Variants in FBXL16 observed in about 807,000 individuals in gnomAD.
FBXL16 encodes F-box and leucine rich repeat protein 16, also known as F-box/LRR-repeat protein 16.
In FBXL16, 7 loss-of-function variants were observed where a neutral mutation model predicts 36.7. The ratio of observed to expected loss-of-function variants is 0.19; its 90% CI spans 0.11 to 0.36. The LOEUF is 0.36. FBXL16 is among the 10% of genes least tolerant of loss of function. The pLI is 1.00. For synonymous variants in FBXL16, 355 were observed against 308.7 expected (o/e 1.15, Z -1.57); for missense variants, 463 against 659.4 (o/e 0.70, Z 3.26).
chr16:695,708 C>G lies in FBXL16; in HGVS notation c.849G>C (p.Thr283=). Residue 283 remains threonine (T), a synonymous_variant, in exon 3 of 6, where the codon ACG becomes ACC. Transcript: ENST00000397621. ...LSLQAYHVTD[T]ALAYFTARQG... is the part of the protein sequence containing the mutation. ...GGCGCGCCGTGAAGTAGGCCAGCGC[C>G]GTGTCCGTCACGTGGTAGGCCTGCA... is the stretch of plus-strand genomic sequence containing the variant. The G allele has an allele frequency of 6.2e-7, 1 of 1,604,396 alleles. No homozygotes were observed. Among genetic ancestry groups the G allele is most frequent in the Admixed American group, 1.7e-5 (1 of 59,948 alleles).
rs374334718 is a variant in FBXL16, at chr16:696,961, C to G, written c.445G>C (p.Val149Leu). Residue 149 changes from valine (V) to leucine (L), a missense_variant, in exon 2 of 6, where the codon GTG becomes CTG. Physicochemically the swap from Val to Leu is conservative, Grantham distance 32 (BLOSUM62 1). This residue lies in a region of FBXL16 where 263 missense variants were observed against 341.1 expected (regional missense o/e 0.77). Coordinates refer to ENST00000397621, the MANE Select transcript of FBXL16 (RefSeq NM_153350.4). ...AACTCCTTCTCGCCACCAGGCAGCA[C>G]GTTGTAGAGCTCCTTGGCATGCAGC... is the stretch of plus-strand genomic sequence containing the variant. ...PVLHAKELYN[V>L]LPGGEKEFVN... is the part of the protein sequence containing the mutation. 1.2e-6 allele frequency: 2 copies of G among 1,600,982 alleles called. No homozygotes were observed. The highest frequency in any genetic ancestry group is 1.1e-5 in the South Asian group (1 of 88,728).
intron 1 of FBXL16, among the ~76,000 whole-genome samples, chr16:703,319 C>T (rs79657282): frequency 0.062 from 9,425 of 152,282 alleles, 988 homozygotes; most frequent in African/African-American, 0.22. Context: ...CTCCTCACCC[C>T]TCAGCGCCCC....
intron 1 of FBXL16, among the ~76,000 whole-genome samples, chr16:702,988 C>T (rs1339248640): frequency 6.6e-6 from 1 of 152,266 alleles, no homozygotes. Context: ...TTCCTTCACA[C>T]ACTGCCTAAC....
chr16:696,569 A>T (rs2040012853), intron 2 of FBXL16, among the ~76,000 whole-genome samples: 1 of 151,066 alleles, frequency 6.6e-6, no homozygotes, highest in African/African-American at 2.4e-5. Flanking sequence ...TGGGCCCTGC[A>T]TTTAATCCAC....
rs943727080 is a variant in FBXL16, at chr16:693,584, C to G, written c.*691G>C. On this transcript the variant is annotated 3_prime_UTR_variant, in exon 6 of 6. Coordinates refer to ENST00000397621, the MANE Select transcript of FBXL16 (RefSeq NM_153350.4). ...CAGGGACCAAGGCCGGGTTTTGGGGCGGACAGGGGACTGCCCCACACAGCG... is the reference window on the plus strand; with the variant it reads ...CAGGGACCAAGGCCGGGTTTTGGGGGGGACAGGGGACTGCCCCACACAGCG... 6.5e-6 allele frequency: 1 copy of G among 152,728 alleles called. No homozygotes were observed. The highest frequency in any genetic ancestry group is 2.4e-5 in the African/African-American group (1 of 41,446). 9.5% of individuals were successfully genotyped at this position (152,728 alleles called of 1,614,324 possible).
Position 694,058 on chromosome 16 carries a change from C to G in FBXL16, c.*217G>C. ...CCCGAGTGTGCGTGCGTGCGTGGGG[C>G]GGGCCCACCCGCCGCCCCCCTGCCC... On this transcript the variant is annotated 3_prime_UTR_variant, in exon 6 of 6. Transcript: ENST00000397621. 4.2e-6 allele frequency: 1 copy of G among 236,966 alleles called. No homozygotes were observed. The highest frequency in any genetic ancestry group is 8.2e-6 in the Non-Finnish European group (1 of 122,350). The allele number at this position is 236,966 out of a possible 1,614,324, so 14.7% of individuals were successfully genotyped here.
At chr16:700,696 A>T in intron 1 of FBXL16, among the ~76,000 whole-genome samples, 1 of 151,652 alleles carries the variant, frequency 6.6e-6, no homozygotes, top group East Asian at 2.0e-4. Context: ...TAGAGCGGGG[A>T]CCCTCGCTCC....
In FBXL16 at chr16:697,701, T is replaced by G. The variant is rs986653446; in HGVS notation, c.-14-282A>C. ...CCCTCTTTTTCTTTTGTTTTTTTTC[T>G]TTTTGAAACAGAGTTCCGGCCGGGC... On this transcript the variant is annotated intron_variant, in intron 1 of 5. Coordinates refer to ENST00000397621, the MANE Select transcript of FBXL16 (RefSeq NM_153350.4). This position sits in a 1 kb window ranked among gnomAD's most constrained non-coding sequence, Gnocchi z 4.6. Among the ~76,000 whole-genome samples the G allele has an allele frequency of 1.6e-4, 25 of 152,250 alleles. No individual in the cohort carries two copies. Among genetic ancestry groups the G allele is most frequent in the African/African-American group, 5.5e-4 (23 of 41,560 alleles).
chr16:704,818 C>A lies in FBXL16; in HGVS notation c.-15+694G>T, dbSNP rs963957651. Among the ~76,000 whole-genome samples, 7 of 152,356 alleles carry A rather than the reference C, an allele frequency of 4.6e-5. 1 individual carries two copies. The highest frequency in any genetic ancestry group is 9.6e-5 in the African/African-American group (4 of 41,588). On this transcript the variant is annotated intron_variant, in intron 1 of 5. Coordinates refer to ENST00000397621, the MANE Select transcript of FBXL16 (RefSeq NM_153350.4). ...GGAGCCTGGGAAGGGCCTGGAGTGG[C>A]CGCTGGGCCGTCAGTTCCTGAAGCT...
chr16:703,204 T>G (rs901937914), intron 1 of FBXL16, among the ~76,000 whole-genome samples: 2 of 152,200 alleles, frequency 1.3e-5, no homozygotes, highest in African/African-American at 2.4e-5. Context: ...CTCCAAGTAC[T>G]GCCCTCATCC....
chr16:703,707 G>C (rs2040072186), intron 1 of FBXL16, among the ~76,000 whole-genome samples: 1 of 152,242 alleles, frequency 6.6e-6, no homozygotes, highest in South Asian at 2.1e-4. Context: ...GGGGCTCTGA[G>C]GAGGGGCACC....
At chr16:700,282 T>G (rs2040046102) in intron 1 of FBXL16, among the ~76,000 whole-genome samples, 1 of 152,064 alleles carries the variant, frequency 6.6e-6, no homozygotes, top group Non-Finnish European at 1.5e-5. Flanking sequence ...AGCTCCACCC[T>G]CTGTACCATC....
intron 1 of FBXL16, among the ~76,000 whole-genome samples, chr16:699,355 C>T (rs1430601928): frequency 6.6e-6 from 1 of 152,196 alleles, no homozygotes; most frequent in Non-Finnish European, 1.5e-5. Flanking sequence ...GAGGTGGGAC[C>T]CTCACTGTGC....
intron 4 of FBXL16, 142 bp from the exon 5 acceptor site, chr16:694,839 G>C: frequency 7.9e-7 from 1 of 1,261,642 alleles, no homozygotes; most frequent in Middle Eastern, 2.6e-4. Context: ...GGAAGTGCTC[G>C]TGGGGGCCGC....
intron 4 of FBXL16, 91 bp from the exon 5 acceptor site, chr16:694,788 C>T (rs975413366): frequency 4.3e-5 from 61 of 1,415,042 alleles, no homozygotes; most frequent in Admixed American, 6.0e-5. Flanking sequence ...CGGGTTCAAG[C>T]CCGGGGTTCC....
intron 1 of FBXL16, among the ~76,000 whole-genome samples, chr16:698,168 T>C (rs537169054): frequency 6.6e-6 from 1 of 151,918 alleles, no homozygotes; most frequent in East Asian, 2.0e-4. Context: ...CACACCCGGC[T>C]AATTTTGTAT....
intron 3 of FBXL16, 82 bp downstream of exon 3, chr16:695,333 G>GGCCCCGTGCAGCCCCGCCCC (rs2040002553): frequency 1.0e-6 from 1 of 990,452 alleles, no homozygotes. Flanking sequence ...CCCCGCCCCC[G>GGCCCCGTGCAGCCCCGCCCC]GCCCCGTGCA....
At chr16:702,638 G>T (rs745701529) in intron 1 of FBXL16, among the ~76,000 whole-genome samples, 1 of 152,228 alleles carries the variant, frequency 6.6e-6, no homozygotes, top group Non-Finnish European at 1.5e-5. Context: ...TTAGGAAGAG[G>T]CCGGTCAGCG....
rs957580784 is a variant in FBXL16 at position 697,718 on chromosome 16, C to A, written c.-14-299G>T. Among the ~76,000 whole-genome samples the A allele has an allele frequency of 6.6e-6, 1 of 152,058 alleles. No individual in the cohort carries two copies. Among genetic ancestry groups the A allele is most frequent in the Non-Finnish European group, 1.5e-5 (1 of 68,014 alleles). ...TTTTTTTCTTTTTGAAACAGAGTTCCGGCCGGGCGCGGTGGCTCATGCCTG... is the reference window on the plus strand; with the variant it reads ...TTTTTTTCTTTTTGAAACAGAGTTCAGGCCGGGCGCGGTGGCTCATGCCTG... On this transcript the variant is annotated intron_variant, in intron 1 of 5. Coordinates refer to ENST00000397621, the MANE Select transcript of FBXL16 (RefSeq NM_153350.4). The surrounding 1 kb of genome is among the most constrained non-coding windows in gnomAD (Gnocchi z 4.6).
Sources: allele counts gnomAD v4.1 joint callset (sites outside exome capture counted in the v4.1 genomes callset), GRCh38; gene constraint gnomAD v4.1.1; regional missense constraint gnomAD v4.1.1; non-coding constraint Gnocchi (gnomAD v3.1); transcripts MANE v1.5; gene names NCBI Gene and HGNC (gene_info 2026-07-23, HGNC 2026-07-21).